SLC24A2: variants seen among roughly 807,000 people sequenced by gnomAD.
SLC24A2 encodes solute carrier family 24 member 2.
A neutral mutation model predicts 62.0 loss-of-function variants in SLC24A2; 36 were observed. The ratio of observed to expected loss-of-function variants is 0.58; its 90% confidence interval spans 0.44 to 0.77. The LOEUF (loss-of-function observed/expected upper bound fraction) is 0.77. Among genes scored for constraint, SLC24A2 ranks in the 30% least tolerant of loss-of-function variants. The probability of loss-of-function intolerance (pLI) is 0.00; values close to 1 mark genes in which losing one functional copy is unlikely to be tolerated. For missense variants in SLC24A2, 846 were observed against 817.9 expected (o/e 1.03, Z -0.42); for synonymous variants, 358 against 294.0 (o/e 1.22, Z -2.23).
chr9:19,555,292 C>G (rs538537089), intron 7 of SLC24A2, among the ~76,000 whole-genome samples: 5 of 152,298 alleles, frequency 3.3e-5, no homozygotes, highest in South Asian at 4.2e-4. Context: ...GCTCTCAAAT[C>G]TCAGCACTAA....
At chr9:20,073,919 G>GATATATAT in the SLC24A2 span, among the ~76,000 whole-genome samples, 46 of 140,792 alleles carry the variant, frequency 3.3e-4, no homozygotes, top group East Asian at 6.0e-3. Flanking sequence ...CTTGTGGGGA[G>GATATATAT]ATATATATAT....
At chr9:20,231,573 C>T in the SLC24A2 span, among the ~76,000 whole-genome samples, 120 of 152,220 alleles carry the variant, frequency 7.9e-4, 2 homozygotes, top group African/African-American at 2.8e-3. Flanking sequence ...GTGATTTGTG[C>T]ACACTGATTT....
intron 2 of SLC24A2, among the ~76,000 whole-genome samples, chr9:19,729,796 G>A (rs1169561238): frequency 6.6e-6 from 1 of 152,086 alleles, no homozygotes; most frequent in African/African-American, 2.4e-5. Flanking sequence ...AAGTTCTAGT[G>A]CTCTATCTCA....
At chr9:19,558,036 C>T (rs1335920487) in intron 7 of SLC24A2, among the ~76,000 whole-genome samples, 2 of 152,128 alleles carry the variant, frequency 1.3e-5, no homozygotes, top group Non-Finnish European at 2.9e-5. Context: ...CAGGCTGACT[C>T]AAGTGATCCT....
chr9:20,276,341 G>A, the SLC24A2 span, among the ~76,000 whole-genome samples: 1 of 152,176 alleles, frequency 6.6e-6, no homozygotes, highest in Non-Finnish European at 1.5e-5. Flanking sequence ...AATCCAGCTG[G>A]GCAGGCAAAT....
At chr9:19,788,312 C>T (rs909172231) in intron 1 of SLC24A2, among the ~76,000 whole-genome samples, 2 of 152,188 alleles carry the variant, frequency 1.3e-5, no homozygotes, top group Non-Finnish European at 2.9e-5. Flanking sequence ...TGTGTAAATG[C>T]CCGGCCCGGG....
chr9:19,721,082 T>C (rs956477838), intron 2 of SLC24A2, among the ~76,000 whole-genome samples: 3 of 152,100 alleles, frequency 2.0e-5, no homozygotes, highest in Non-Finnish European at 2.9e-5. Flanking sequence ...AACAATTACC[T>C]TTTATAAATT....
At chr9:20,291,322 G>A in the SLC24A2 span, among the ~76,000 whole-genome samples, 244 of 152,280 alleles carry the variant, frequency 1.6e-3, no homozygotes, top group Non-Finnish European at 2.9e-3. Context: ...AAGGCTTGCA[G>A]AGAGAGATGG....
chr9:20,094,043 T>C, the SLC24A2 span, among the ~76,000 whole-genome samples: 1 of 152,176 alleles, frequency 6.6e-6, no homozygotes, highest in African/African-American at 2.4e-5. Context: ...CAAAACCATT[T>C]TCATAATACT....
At chr9:19,548,875 ACT>A (rs1586938234) in intron 8 of SLC24A2, among the ~76,000 whole-genome samples, 1 of 152,024 alleles carries the variant, frequency 6.6e-6, no homozygotes, top group African/African-American at 2.4e-5. Context: ...CAGAAATGAG[ACT>A]CTCACGAGGA....
chr9:20,262,133 G>C, the SLC24A2 span, among the ~76,000 whole-genome samples: 265 of 152,230 alleles, frequency 1.7e-3, 3 homozygotes, highest in Non-Finnish European at 5.1e-4. Context: ...GCCCCAAAAA[G>C]AGAAATAATG....
At chr9:19,541,309 GT>G (rs1422062838) in intron 8 of SLC24A2, among the ~76,000 whole-genome samples, 2 of 149,982 alleles carry the variant, frequency 1.3e-5, no homozygotes, top group Non-Finnish European at 3.0e-5. Flanking sequence ...CAGTTTTTCT[GT>G]TCTGTTTTTT....
chr9:20,044,400 T>A, the SLC24A2 span, among the ~76,000 whole-genome samples: 1 of 152,112 alleles, frequency 6.6e-6, no homozygotes, highest in Non-Finnish European at 1.5e-5. Flanking sequence ...AGAGCAGTAT[T>A]TGTGAGCACA....
the SLC24A2 span, among the ~76,000 whole-genome samples, chr9:20,091,180 C>T: frequency 1.3e-5 from 2 of 149,268 alleles, no homozygotes; most frequent in Non-Finnish European, 3.0e-5. Context: ...AAAGAATGAA[C>T]AAAACCTCCG....
intron 7 of SLC24A2, among the ~76,000 whole-genome samples, chr9:19,564,390 T>C (rs1835562407): frequency 6.6e-6 from 1 of 152,194 alleles, no homozygotes; most frequent in South Asian, 2.1e-4. Context: ...GATAACAGTA[T>C]GGAGAAATAA....
At chr9:20,258,793 TATC>T in the SLC24A2 span, among the ~76,000 whole-genome samples, 2 of 128,762 alleles carry the variant, frequency 1.6e-5, no homozygotes, top group Non-Finnish European at 3.1e-5. Flanking sequence ...TCTATCTATC[TATC>T]TATCTATCTA....
chr9:20,228,439 T>G, the SLC24A2 span, among the ~76,000 whole-genome samples: 1 of 151,968 alleles, frequency 6.6e-6, no homozygotes, highest in Non-Finnish European at 1.5e-5. Context: ...GGAGCATGAA[T>G]TCCCAAGTAA....
chr9:19,825,661 G>A, the SLC24A2 span, among the ~76,000 whole-genome samples: 1 of 152,166 alleles, frequency 6.6e-6, no homozygotes. Context: ...AGCATAGAAG[G>A]TAGAAATAGC....
At chr9:19,941,538 T>C in the SLC24A2 span, among the ~76,000 whole-genome samples, 339 of 149,960 alleles carry the variant, frequency 2.3e-3, 7 homozygotes, top group East Asian at 0.06. Context: ...TATTTACCAG[T>C]TTTTGTAGAG....
Sources: allele counts gnomAD v4.1 joint callset (sites outside exome capture counted in the v4.1 genomes callset), GRCh38; gene constraint gnomAD v4.1.1; transcripts MANE v1.5; gene names NCBI Gene and HGNC (gene_info 2026-07-23, HGNC 2026-07-21).